CRACR2A: variants seen among roughly 807,000 people sequenced by gnomAD.
CRACR2A encodes calcium release activated channel regulator 2A.
In CRACR2A, 79 loss-of-function variants were observed where a neutral mutation model predicts 90.5. The observed-to-expected ratio is 0.87, with a 90% CI of 0.73 to 1.05. The LOEUF (loss-of-function observed/expected upper bound fraction) is 1.05. CRACR2A is among the 50% of genes least tolerant of loss of function. The probability of loss-of-function intolerance (pLI) is 0.00; values close to 1 mark genes in which losing one functional copy is unlikely to be tolerated. For synonymous variants in CRACR2A, 338 were observed against 356.7 expected (o/e 0.95, Z 0.59); for missense variants, 823 against 897.2 (o/e 0.92, Z 1.06).
rs117533397 is a variant in CRACR2A, at chr12:3,725,743, C to T, written c.-118+7199G>A. Among the ~76,000 whole-genome samples the T allele has an allele frequency of 1.9e-3, 283 of 152,290 alleles. 6 individuals carry two copies. The East Asian group carries it at 0.035, about 19-fold the overall frequency. ...TCCAGAAATTTGTTTTCACATGATC[C>T]TGGATGGGAAATTAAATAAGTATTT... On this transcript the variant is annotated intron_variant, in intron 2 of 19. Coordinates refer to ENST00000440314, the MANE Select transcript of CRACR2A (RefSeq NM_001144958.2).
intron 14 of CRACR2A, among the ~76,000 whole-genome samples, chr12:3,634,595 C>T (rs1944427737): frequency 6.6e-6 from 1 of 152,250 alleles, no homozygotes; most frequent in Non-Finnish European, 1.5e-5. Context: ...ATTCCAGGAG[C>T]TGCCGCTCAA....
chr12:3,677,513 T>C (rs1297862596), intron 6 of CRACR2A, among the ~76,000 whole-genome samples: 3 of 152,232 alleles, frequency 2.0e-5, no homozygotes, highest in Non-Finnish European at 2.9e-5. Context: ...GCTGCTACCC[T>C]GCAGTGAGGG....
At chr12:3,666,816 G>A (rs192726436) in intron 7 of CRACR2A, among the ~76,000 whole-genome samples, 1 of 152,216 alleles carries the variant, frequency 6.6e-6, no homozygotes, top group East Asian at 1.9e-4. Flanking sequence ...GGATTTCAGA[G>A]GGTCTTAGAA....
At chr12:3,740,605 A>G (rs1946509790) in intron 1 of CRACR2A, among the ~76,000 whole-genome samples, 1 of 152,198 alleles carries the variant, frequency 6.6e-6, no homozygotes, top group African/African-American at 2.4e-5. Flanking sequence ...CAAGTGTATA[A>G]TACTCAGTAC....
At chr12:3,685,865 AATGGT>A in intron 4 of CRACR2A, among the ~76,000 whole-genome samples, 1 of 152,258 alleles carries the variant, frequency 6.6e-6, no homozygotes, top group Non-Finnish European at 1.5e-5. Context: ...ACACATAAAA[AATGGT>A]TACAATGGTA....
intron 3 of CRACR2A, among the ~76,000 whole-genome samples, chr12:3,709,826 A>G (rs1474331899): frequency 6.6e-6 from 1 of 152,236 alleles, no homozygotes; most frequent in Non-Finnish European, 1.5e-5. Flanking sequence ...TTATCTGTAC[A>G]ATGAGGCTAA....
chr12:3,692,469 G>T (rs1591691323), intron 4 of CRACR2A, among the ~76,000 whole-genome samples: 1 of 106,654 alleles, frequency 9.4e-6, no homozygotes, highest in Non-Finnish European at 1.7e-5. Context: ...TCAGGCCCTG[G>T]TTTTTTTTCT....
intron 1 of CRACR2A, among the ~76,000 whole-genome samples, chr12:3,743,552 C>A (rs905527366): frequency 1.3e-5 from 2 of 152,162 alleles, no homozygotes; most frequent in Non-Finnish European, 2.9e-5. Flanking sequence ...GAGGTGTCCA[C>A]GGTGCAGGTG....
chr12:3,670,764 C>T (rs1327676142), intron 7 of CRACR2A, among the ~76,000 whole-genome samples: 1 of 152,180 alleles, frequency 6.6e-6, no homozygotes, highest in East Asian at 1.9e-4. Flanking sequence ...GAGCTCCAGT[C>T]CTTCCTGCCT....
At chr12:3,706,526 G>T (rs1945924680) in intron 3 of CRACR2A, among the ~76,000 whole-genome samples, 1 of 152,210 alleles carries the variant, frequency 6.6e-6, no homozygotes, top group Admixed American at 6.5e-5. Flanking sequence ...ACTCTGGCAA[G>T]TTTCTTAAGC....
chr12:3,670,227 A>G (rs935150106), intron 7 of CRACR2A, among the ~76,000 whole-genome samples: 1 of 152,084 alleles, frequency 6.6e-6, no homozygotes, highest in Non-Finnish European at 1.5e-5. Context: ...TCGTGACTTG[A>G]GCTGTCATCC....
intron 12 of CRACR2A, among the ~76,000 whole-genome samples, chr12:3,643,039 G>C (rs940876454): frequency 6.6e-6 from 1 of 152,186 alleles, no homozygotes; most frequent in Non-Finnish European, 1.5e-5. Context: ...GAATGAGTTT[G>C]GCAGGTAAAG....
At chr12:3,679,220 C>T in intron 5 of CRACR2A, 122 bp from the exon 6 acceptor site, 2 of 1,022,856 alleles carry the variant, frequency 2.0e-6, no homozygotes, top group Non-Finnish European at 2.8e-6. Flanking sequence ...AGGGAAAGCC[C>T]CTCCAGCAAA....
At chr12:3,615,565 C>T (rs1396088857) in intron 19 of CRACR2A, 126 bp from the exon 20 acceptor site, 15 of 696,366 alleles carry the variant, frequency 2.2e-5, no homozygotes, top group African/African-American at 1.1e-4. Flanking sequence ...ACCCTCACCA[C>T]GGCATCAGAG....
chr12:3,710,140 G>A (rs924508967), intron 3 of CRACR2A, among the ~76,000 whole-genome samples: 3 of 152,138 alleles, frequency 2.0e-5, no homozygotes, highest in African/African-American at 7.2e-5. Context: ...AAACACACAG[G>A]ACCACTACTA....
In CRACR2A at chr12:3,617,554, T is replaced by C. The variant is rs912307307; in HGVS notation, c.2035-524A>G. Among the ~76,000 whole-genome samples the C allele has an allele frequency of 1.2e-4, 18 of 152,182 alleles. 1 individual carries two copies. The highest frequency in any genetic ancestry group is 9.2e-4 in the Admixed American group (14 of 15,272). Reference sequence around the variant, plus strand: ...GGACAGGTGTCATGAGGCACTCCGGTAGGAATTCTCTTTCGCACCAGTTAA... The same window carrying C: ...GGACAGGTGTCATGAGGCACTCCGGCAGGAATTCTCTTTCGCACCAGTTAA... On this transcript the variant is annotated intron_variant, in intron 18 of 19. Coordinates refer to ENST00000440314, the MANE Select transcript of CRACR2A (RefSeq NM_001144958.2).
At chr12:3,727,262 T>C (rs1946285633) in intron 2 of CRACR2A, 1 of 150,984 alleles carries the variant, frequency 6.6e-6, no homozygotes, top group African/African-American at 2.4e-5. Flanking sequence ...AAGGAGAATA[T>C]CAGAGTAAGA....
intron 14 of CRACR2A, among the ~76,000 whole-genome samples, chr12:3,634,422 A>G (rs2137335678): frequency 6.6e-6 from 1 of 152,290 alleles, no homozygotes; most frequent in African/African-American, 2.4e-5. Context: ...AGCTTCCCAG[A>G]GTCAGCCAGT....
chr12:3,714,501 C>A (rs1049395870), intron 2 of CRACR2A, among the ~76,000 whole-genome samples: 19 of 152,302 alleles, frequency 1.2e-4, no homozygotes, highest in Admixed American at 1.2e-3. Context: ...AAAGCCAGTG[C>A]AGTGGGAAAA....
Sources: allele counts gnomAD v4.1 joint callset (sites outside exome capture counted in the v4.1 genomes callset), GRCh38; gene constraint gnomAD v4.1.1; transcripts MANE v1.5; gene names NCBI Gene and HGNC (gene_info 2026-07-23, HGNC 2026-07-21).